Variants in UNC13C observed in about 807,000 individuals in gnomAD.
UNC13C encodes the protein unc-13 homolog C.
UNC13C carries 174 observed loss-of-function variants against 245.4 expected under a neutral mutation model. The ratio of observed to expected loss-of-function variants is 0.71; its 90% CI spans 0.63 to 0.80. The LOEUF is 0.80. Ranked by LOEUF, UNC13C falls within the 30% of genes least tolerant of loss-of-function variation. The pLI, the probability that UNC13C is intolerant of heterozygous loss-of-function variation, is 0.00. For missense variants in UNC13C, 2,829 were observed against 2,602.9 expected, an observed-to-expected ratio of 1.09 and a Z score of -1.89; for synonymous variants, 992 against 895.1, an observed-to-expected ratio of 1.11 and a Z score of -1.93.
chr15:53,842,656 T>C, the UNC13C span, among the ~76,000 whole-genome samples: 1 of 152,098 alleles, frequency 6.6e-6, no homozygotes, highest in South Asian at 2.1e-4. Flanking sequence ...TTTGTTATGG[T>C]TGGAGATATT....
At chr15:54,513,703 C>T (rs1894851106) in intron 24 of UNC13C, among the ~76,000 whole-genome samples, 1 of 152,154 alleles carries the variant, frequency 6.6e-6, no homozygotes, top group Admixed American at 6.6e-5. Context: ...ACTTGCTAAA[C>T]TCCTCAGACA....
chr15:54,356,389 A>G (rs183921709), intron 17 of UNC13C, among the ~76,000 whole-genome samples: 96 of 152,110 alleles, frequency 6.3e-4, no homozygotes, highest in Non-Finnish European at 1.2e-3. Flanking sequence ...TTGTCCATAT[A>G]CTGTTCTACC....
At chr15:54,418,658 G>T (rs2040571040) in intron 19 of UNC13C, among the ~76,000 whole-genome samples, 2 of 152,096 alleles carry the variant, frequency 1.3e-5, no homozygotes, top group Non-Finnish European at 2.9e-5. Context: ...TAAAAACTGG[G>T]AGGGTTGGGG....
chr15:54,478,675 A>G (rs1294937584), intron 19 of UNC13C, among the ~76,000 whole-genome samples: 1 of 151,486 alleles, frequency 6.6e-6, no homozygotes, highest in Non-Finnish European at 1.5e-5. Flanking sequence ...GGTCTGAGAG[A>G]CAGTTTGTTA....
intron 30 of UNC13C, among the ~76,000 whole-genome samples, chr15:54,608,165 A>G (rs1379147096): frequency 1.3e-5 from 2 of 152,244 alleles, no homozygotes; most frequent in African/African-American, 4.8e-5. Flanking sequence ...TAAGTTTACT[A>G]TAAACATTAA....
intron 4 of UNC13C, among the ~76,000 whole-genome samples, chr15:54,145,526 G>A (rs2032217137): frequency 6.6e-6 from 1 of 152,176 alleles, no homozygotes; most frequent in South Asian, 2.1e-4. Context: ...CAGCTGTGGT[G>A]AAAGATCATT....
intron 30 of UNC13C, among the ~76,000 whole-genome samples, chr15:54,621,512 C>T (rs1900795440): frequency 6.6e-6 from 1 of 152,078 alleles, no homozygotes; most frequent in Non-Finnish European, 1.5e-5. Flanking sequence ...CTACACTGAA[C>T]TGGAATGACC....
intron 24 of UNC13C, among the ~76,000 whole-genome samples, chr15:54,515,293 G>C (rs1342871172): frequency 3.9e-5 from 6 of 152,084 alleles, no homozygotes; most frequent in Non-Finnish European, 8.8e-5. Context: ...AATATTATCT[G>C]TCCCTTTATA....
intron 8 of UNC13C, among the ~76,000 whole-genome samples, chr15:54,253,280 A>C (rs2036199693): frequency 6.6e-6 from 1 of 152,218 alleles, no homozygotes; most frequent in Non-Finnish European, 1.5e-5. Flanking sequence ...GGTGAAATCC[A>C]ACTCACTGCT....
intron 30 of UNC13C, among the ~76,000 whole-genome samples, chr15:54,572,464 C>A (rs529427311): frequency 6.2e-4 from 83 of 133,984 alleles, no homozygotes; most frequent in African/African-American, 2.2e-3. Context: ...CTTGCTCTGT[C>A]ACCCAAGCTA....
At chr15:54,349,610 T>C (rs2038935422) in intron 17 of UNC13C, among the ~76,000 whole-genome samples, 2 of 152,250 alleles carry the variant, frequency 1.3e-5, no homozygotes, top group Non-Finnish European at 1.5e-5. Flanking sequence ...CAAAAATGGT[T>C]CAACAATACC....
chr15:54,591,481 G>T (rs1347800188), intron 30 of UNC13C, among the ~76,000 whole-genome samples: 2 of 152,052 alleles, frequency 1.3e-5, no homozygotes, highest in African/African-American at 4.8e-5. Context: ...TTATTAGTCT[G>T]TTCAGGGTAT....
chr15:54,435,243 G>C (rs890008023), intron 19 of UNC13C, among the ~76,000 whole-genome samples: 34 of 151,982 alleles, frequency 2.2e-4, no homozygotes, highest in Non-Finnish European at 1.9e-4. Context: ...TATACACAAA[G>C]GATTATGAAT....
intron 2 of UNC13C, among the ~76,000 whole-genome samples, chr15:54,112,412 T>C (rs909591269): frequency 2.0e-5 from 3 of 152,072 alleles, no homozygotes; most frequent in African/African-American, 7.2e-5. Context: ...GGCCCAAAGA[T>C]TGGCCCAGGC....
intron 13 of UNC13C, among the ~76,000 whole-genome samples, chr15:54,310,957 C>T (rs2037856195): frequency 6.6e-6 from 1 of 151,742 alleles, no homozygotes; most frequent in Admixed American, 6.6e-5. Context: ...CTACTACCAC[C>T]TTTATCACAT....
chr15:53,946,450 TG>T, the UNC13C span, among the ~76,000 whole-genome samples: 3,195 of 53,790 alleles, frequency 0.059, 99 homozygotes, highest in East Asian at 0.33. Context: ...TTCTTTTTTT[TG>T]TTTTTTTTTT....
At chr15:54,589,829 T>A (rs1566926775) in intron 30 of UNC13C, among the ~76,000 whole-genome samples, 1 of 152,172 alleles carries the variant, frequency 6.6e-6, no homozygotes, top group Non-Finnish European at 1.5e-5. Flanking sequence ...TTATCTTTGT[T>A]TTCATTGTAA....
Position 54,409,204 on chromosome 15 carries a change from A to T in UNC13C, c.4848-5778A>T, listed in dbSNP as rs191090576. Reference sequence around the variant, plus strand: ...TGTTTATTAGGCTTTGATTTTTTTTAAATTTCCCTTTCATCTCAGCCACTT... The same window carrying T: ...TGTTTATTAGGCTTTGATTTTTTTTTAATTTCCCTTTCATCTCAGCCACTT... On this transcript the variant is annotated intron_variant, in intron 18 of 32. Coordinates refer to ENST00000260323, the MANE Select transcript of UNC13C (RefSeq NM_001080534.3). 3.1e-3 allele frequency among the ~76,000 whole-genome samples: 471 copies of T among 152,092 alleles called. 1 individual carries two copies. The highest frequency in any genetic ancestry group is 0.013 in the East Asian group (66 of 5,186).
chr15:54,327,226 G>A (rs1375907866), intron 14 of UNC13C, among the ~76,000 whole-genome samples: 1 of 151,882 alleles, frequency 6.6e-6, no homozygotes, highest in African/African-American at 2.4e-5. Context: ...ATATTTTTGA[G>A]CTGTTTATTT....
Sources: gnomAD v4.1 joint callset for allele counts (sites outside exome capture counted in the v4.1 genomes callset) on GRCh38, gnomAD v4.1.1 for gene constraint, MANE v1.5 for transcripts, NCBI Gene and HGNC (gene_info 2026-07-23, HGNC 2026-07-21) for gene names.